MAEL: variants seen among roughly 807,000 people sequenced by gnomAD.
The protein encoded by MAEL is protein maelstrom homolog.
In MAEL, 46 loss-of-function variants were observed where a neutral mutation model predicts 62.0. The ratio of observed to expected loss-of-function variants is 0.74; its 90% confidence interval spans 0.59 to 0.95. The LOEUF is 0.95. Among genes scored for constraint, MAEL ranks in the 40% least tolerant of loss-of-function variants. MAEL has a pLI of 0.00. For synonymous variants in MAEL, 172 were observed against 175.5 expected (o/e 0.98, Z 0.16); for missense variants, 497 against 526.8 (o/e 0.94, Z 0.55).
chr1:167,012,765 A>G (rs1665223435), intron 8 of MAEL, among the ~76,000 whole-genome samples: 1 of 152,144 alleles, frequency 6.6e-6, no homozygotes, highest in African/African-American at 2.4e-5. Context: ...TGGTAAGAAG[A>G]GCACCCTGGA....
chr1:167,004,487 A>G (rs779096848), intron 6 of MAEL, among the ~76,000 whole-genome samples, 183 bp downstream of exon 6: 3 of 144,742 alleles, frequency 2.1e-5, no homozygotes, highest in Non-Finnish European at 4.5e-5. Flanking sequence ...CCAATTTTGG[A>G]GGGATTTTGA....
At chr1:166,993,959 G>GT (rs1664298257) in intron 4 of MAEL, 69 bp from the exon 5 acceptor site, 1 of 1,177,876 alleles carries the variant, frequency 8.5e-7, no homozygotes, top group South Asian at 1.4e-5. Context: ...TGGTCATCTT[G>GT]TAGAGTATTA....
At chr1:166,978,717 A>C (rs1663670420) in intron 1 of MAEL, among the ~76,000 whole-genome samples, 1 of 152,190 alleles carries the variant, frequency 6.6e-6, no homozygotes, top group Non-Finnish European at 1.5e-5. Context: ...TGTTGAGCTG[A>C]TGTTTTCTAA....
At position 167,005,082 on chromosome 1, in the gene MAEL, G is replaced by T; in HGVS notation, c.655G>T (p.Asp219Tyr). Residue 219 changes from aspartate to tyrosine, a missense_variant, in exon 7 of 12, where the codon GAT becomes TAT. Asp to Tyr is a radical substitution (Grantham distance 160). Transcript: ENST00000367872. ...NWPPIYCKSD[D>Y]RTRVNWCLKH... ...TGTTTTTTGCTTTCTCCAGTCTGAT[G>T]ATAGAACCAGAGTCAACTGGTGTTT... 2 of 1,613,278 alleles carry T rather than the reference G, an allele frequency of 1.2e-6. No individual in the cohort carries two copies. Among genetic ancestry groups the T allele is most frequent in the South Asian group, 2.2e-5 (2 of 90,964 alleles).
intron 5 of MAEL, among the ~76,000 whole-genome samples, chr1:166,995,621 A>T (rs578101442): frequency 7.0e-4 from 107 of 152,212 alleles, no homozygotes; most frequent in Non-Finnish European, 4.0e-4. Flanking sequence ...AAGTGTGAAC[A>T]TAGCTAATAT....
At chr1:166,992,976 T>C (rs1571245600) in intron 4 of MAEL, 135 bp downstream of exon 4, 1 of 743,818 alleles carries the variant, frequency 1.3e-6, no homozygotes, top group Non-Finnish European at 2.0e-6. Context: ...GACTTCATAA[T>C]GCTTATTGAA....
rs534651134 is a variant in MAEL, at chr1:166,980,015, G to GTCTT, written c.-121+4363_-121+4366dup. ...TCATTTATATTTTTTCTTTATAATTGTCTTTCTTTCTTTCTTTTAGAGACA... is the reference window on the plus strand; with the variant it reads ...TCATTTATATTTTTTCTTTATAATTGTCTTTCTTTCTTTCTTTCTTTTAGAGACA... On this transcript the variant is annotated intron_variant, in intron 1 of 12. Transcript: ENST00000622874. Among the ~76,000 whole-genome samples the GTCTT allele has an allele frequency of 2.1e-3, 326 of 152,116 alleles. 1 individual carries two copies. The highest frequency in any genetic ancestry group is 2.8e-3 in the Non-Finnish European group (191 of 67,980).
intron 5 of MAEL, among the ~76,000 whole-genome samples, chr1:167,001,736 A>G (rs1026255762): frequency 6.6e-6 from 1 of 152,170 alleles, no homozygotes; most frequent in Non-Finnish European, 1.5e-5. Flanking sequence ...CATTTTAATG[A>G]ATGCTTTTTC....
chr1:166,994,046 T>G lies in MAEL; in HGVS notation c.500T>G (p.Phe167Cys). The G allele has an allele frequency of 1.2e-6, 2 of 1,613,190 alleles. No individual in the cohort carries two copies. The highest frequency in any genetic ancestry group is 8.5e-7 in the Non-Finnish European group (1 of 1,179,622). Reference protein sequence around the residue: ...FINPGEIPRGFRFHCQAASDS... With the variant: ...FINPGEIPRGCRFHCQAASDS... ...ATTATAGGTGAAATTCCACGAGGATTTCGATTTCATTGTCAGGCTGCAAGT... is the reference window on the plus strand; with the variant it reads ...ATTATAGGTGAAATTCCACGAGGATGTCGATTTCATTGTCAGGCTGCAAGT... Residue 167 changes from phenylalanine to cysteine, a missense_variant, in exon 5 of 12, where the codon TTT becomes TGT. Physicochemically the swap from Phe to Cys is radical, Grantham distance 205. Transcript: ENST00000367872.
At chr1:167,005,796 TTC>T (rs1327184529) in intron 8 of MAEL, among the ~76,000 whole-genome samples, 17 of 152,362 alleles carry the variant, frequency 1.1e-4, no homozygotes, top group Admixed American at 3.9e-4. Flanking sequence ...AAGTTTACTA[TTC>T]TCTGTTTCCT....
intron 10 of MAEL, among the ~76,000 whole-genome samples, 165 bp downstream of exon 10, chr1:167,018,124 G>A (rs1011029815): frequency 7.2e-5 from 11 of 152,162 alleles, no homozygotes; most frequent in African/African-American, 2.4e-4. Context: ...ATCCAGTTGT[G>A]TCTTGTGTAA....
In MAEL at chr1:167,005,343, CT is replaced by C; in HGVS notation, c.793del (p.Trp265GlyfsTer6). 1 of 1,613,690 alleles carries C rather than the reference CT, an allele frequency of 6.2e-7. No homozygotes were observed. Among genetic ancestry groups the C allele is most frequent in the Non-Finnish European group, 8.5e-7 (1 of 1,179,764 alleles). ...AAATTTCTCAAGGAGCCCTCTAAGA[CT>C]TGGATTCGAAGCCTCCTAGATGTGG... The part of the protein sequence containing the change: ...QQKFLKEPSK[T>X]WIRSLLDVAM... On this transcript the variant is annotated frameshift_variant, in exon 8 of 12. Coordinates refer to ENST00000367872, the MANE Select transcript of MAEL (RefSeq NM_032858.3). LOFTEE classifies it high-confidence loss of function.
At chr1:167,011,182 C>T (rs1296395036) in intron 8 of MAEL, among the ~76,000 whole-genome samples, 1 of 152,098 alleles carries the variant, frequency 6.6e-6, no homozygotes, top group Non-Finnish European at 1.5e-5. Flanking sequence ...TTTCTTTCTT[C>T]CTTCCCCAAG....
intron 1 of MAEL, among the ~76,000 whole-genome samples, chr1:166,981,553 G>A (rs1415634502): frequency 6.6e-6 from 1 of 152,072 alleles, no homozygotes; most frequent in Non-Finnish European, 1.5e-5. Flanking sequence ...CCTGTATTAG[G>A]ACATGTACCA....
chr1:167,005,012 A>G lies in MAEL; in HGVS notation c.649-64A>G, dbSNP rs1664832386. On this transcript the variant is annotated intron_variant, in intron 6 of 11. Coordinates refer to ENST00000367872, the MANE Select transcript of MAEL (RefSeq NM_032858.3). ...TTTTGAAAGGACAGCATTAGAAGTCATTCAAAGTAGGAGAAGATACAAGTA... is the reference window on the plus strand; with the variant it reads ...TTTTGAAAGGACAGCATTAGAAGTCGTTCAAAGTAGGAGAAGATACAAGTA... The G allele has an allele frequency of 7.3e-6, 11 of 1,508,712 alleles. No homozygotes were observed. The East Asian group carries it at 2.6e-4, about 35-fold the overall frequency. The allele number at this position is 1,508,712 out of a possible 1,614,324, so 93.5% of individuals were successfully genotyped here.
At position 166,993,665 on chromosome 1, in the gene MAEL, T is replaced by C. The variant is rs115806732; in HGVS notation, c.482-363T>C. Among the ~76,000 whole-genome samples, 798 of 152,260 alleles carry C rather than the reference T, an allele frequency of 5.2e-3. 11 individuals carry two copies. Among genetic ancestry groups the C allele is most frequent in the African/African-American group, 0.019 (773 of 41,556 alleles). ...TTGTAAAATATTAAAAAGATAGAAT[T>C]TGGGGACTGTTTTTCCTCTGAGAAA... is the stretch of plus-strand genomic sequence containing the variant. On this transcript the variant is annotated intron_variant, in intron 4 of 11. Coordinates refer to ENST00000367872, the MANE Select transcript of MAEL (RefSeq NM_032858.3).
chr1:167,006,202 T>G (rs1321274510), intron 8 of MAEL: 1 of 152,110 alleles, frequency 6.6e-6, no homozygotes, highest in African/African-American at 2.4e-5. Context: ...AAGACCATAT[T>G]CATATTGTAT....
chr1:166,998,964 A>G (rs1306640583), intron 5 of MAEL, among the ~76,000 whole-genome samples: 1 of 152,164 alleles, frequency 6.6e-6, no homozygotes, highest in African/African-American at 2.4e-5. Context: ...TGCCCATATA[A>G]GATGGCAAAT....
intron 10 of MAEL, among the ~76,000 whole-genome samples, 160 bp downstream of exon 10, chr1:167,018,119 G>A (rs556289467): frequency 6.6e-6 from 1 of 152,194 alleles, no homozygotes; most frequent in South Asian, 2.1e-4. Flanking sequence ...TCCTAATCCA[G>A]TTGTGTCTTG....
Sources: gnomAD v4.1 joint callset for allele counts (sites outside exome capture counted in the v4.1 genomes callset) on GRCh38, gnomAD v4.1.1 for gene constraint, MANE v1.5 for transcripts, NCBI Gene and HGNC (gene_info 2026-07-23, HGNC 2026-07-21) for gene names.